The following MYO10 variants were observed in gnomAD, a reference collection of about 807,000 sequenced individuals.
The protein encoded by MYO10 is myosin X, also known as unconventional myosin-X.
MYO10 carries 133 observed loss-of-function variants against 257.3 expected under a neutral mutation model. The ratio of observed to expected loss-of-function variants is 0.52; its 90% CI spans 0.45 to 0.60. The LOEUF is 0.60. Among genes scored for constraint, MYO10 ranks in the 20% least tolerant of loss-of-function variants. MYO10 has a pLI of 0.00. For missense variants in MYO10, 2,399 were observed against 2,635.7 expected, an observed-to-expected ratio of 0.91 and a Z score of 1.97; for synonymous variants, 1,104 against 1,028.6, an observed-to-expected ratio of 1.07 and a Z score of -1.40.
chr5:16,798,053 C>T (rs1013669685), intron 3 of MYO10, among the ~76,000 whole-genome samples: 1 of 152,178 alleles, frequency 6.6e-6, no homozygotes, highest in Admixed American at 6.5e-5. Context: ...GTAAGTTCGA[C>T]ATGCATTCTC....
chr5:16,924,243 C>G (rs1392494127), intron 1 of MYO10, among the ~76,000 whole-genome samples: 1 of 152,158 alleles, frequency 6.6e-6, no homozygotes, highest in Non-Finnish European at 1.5e-5. Context: ...GCATGTGAAT[C>G]AAGAGCCTTG....
Position 16,681,462 on chromosome 5 carries a change from A to C in MYO10, c.4231T>G (p.Ser1411Ala), listed in dbSNP as rs771357956. ...KEVKNSPKMS[S>A]LKLKKRWFVL... is the part of the protein sequence containing the mutation. ...AACCACCGTTTCTTCAGTTTCAGTGAAGACATCTTTGGACTGTTCTTCACC... is the reference window on the plus strand; with the variant it reads ...AACCACCGTTTCTTCAGTTTCAGTGCAGACATCTTTGGACTGTTCTTCACC... Residue 1411 changes from serine to alanine, a missense_variant, in exon 32 of 41, where the codon TCA becomes GCA. Ser to Ala is a moderately conservative substitution (Grantham distance 99). Around this residue, in one of 3 missense-constraint regions of MYO10, gnomAD observed 1,820 missense variants for 1,939.4 expected, o/e 0.94. Coordinates refer to ENST00000513610, the MANE Select transcript of MYO10 (RefSeq NM_012334.3). The C allele has an allele frequency of 1.2e-6, 2 of 1,613,736 alleles. No individual in the cohort carries two copies. The highest frequency in any genetic ancestry group is 2.7e-5 in the African/African-American group (2 of 74,914).
chr5:16,896,909 TCTTGCATTAG>T (rs1300637465), intron 1 of MYO10, among the ~76,000 whole-genome samples: 1 of 150,856 alleles, frequency 6.6e-6, no homozygotes, highest in Non-Finnish European at 1.5e-5. Context: ...TCCAAAACAA[TCTTGCATTAG>T]CTCCGAACAA....
At chr5:16,907,864 G>C (rs1745557475) in intron 1 of MYO10, among the ~76,000 whole-genome samples, 1 of 152,130 alleles carries the variant, frequency 6.6e-6, no homozygotes, top group South Asian at 2.1e-4. Context: ...CAACTTTACT[G>C]GAAAATGTAA....
intron 1 of MYO10, 57 bp downstream of exon 1, chr5:16,935,731 G>A: frequency 6.2e-7 from 1 of 1,606,586 alleles, no homozygotes; most frequent in Non-Finnish European, 8.5e-7. Flanking sequence ...CGGCGTGGTG[G>A]GCAGACGCCT....
At chr5:16,923,991 G>C (rs1746063100) in intron 1 of MYO10, among the ~76,000 whole-genome samples, 1 of 152,160 alleles carries the variant, frequency 6.6e-6, no homozygotes, top group South Asian at 2.1e-4. Context: ...TCAGGAGGCT[G>C]AGGTGGGAGG....
intron 2 of MYO10, among the ~76,000 whole-genome samples, chr5:16,843,335 TATACATACACAC>T (rs1440100595): frequency 1.3e-5 from 2 of 152,242 alleles, no homozygotes; most frequent in Non-Finnish European, 2.9e-5. Flanking sequence ...TGCATTCATA[TATACATACACAC>T]ATACATACAT....
chr5:16,762,710 T>C (rs767465470), intron 14 of MYO10, 73 bp from the exon 15 acceptor site: 3 of 1,163,434 alleles, frequency 2.6e-6, no homozygotes, highest in Non-Finnish European at 3.7e-6. Context: ...ATGCCTGTAA[T>C]TCCAGCACTT....
chr5:16,839,030 T>C (rs897464069), intron 2 of MYO10, among the ~76,000 whole-genome samples: 1 of 152,194 alleles, frequency 6.6e-6, no homozygotes. Flanking sequence ...GATAAAGATG[T>C]ACAAGGAGAT....
At position 16,681,934 on chromosome 5, in the gene MYO10, T is replaced by G. The variant is rs769661289; in HGVS notation, c.4126A>C (p.Ile1376Leu). The change falls in exon 31 of 41, where the codon ATA becomes CTA. Residue 1376 changes from isoleucine (I) to leucine (L), a missense_variant. By Grantham distance (5) the Ile-to-Leu change is conservative (BLOSUM62 2). This residue lies in a region of MYO10 where 1,820 missense variants were observed against 1,939.4 expected (regional missense o/e 0.94). Coordinates refer to ENST00000513610, the MANE Select transcript of MYO10 (RefSeq NM_012334.3). ...CCTTTGGACCTCTGCAGCAGGGTTA[T>G]CCAGTGGTGCATCTCCTCCGGCGTG... ...ADTPEEMHHWITLLQRSKGDT... is the reference protein window; with the variant it reads ...ADTPEEMHHWLTLLQRSKGDT... 6.2e-7 allele frequency: 1 copy of G among 1,613,970 alleles called. No individual in the cohort carries two copies. Among genetic ancestry groups the G allele is most frequent in the South Asian group, 1.1e-5 (1 of 91,082 alleles).
At chr5:16,724,289 A>T (rs1739268939) in intron 19 of MYO10, among the ~76,000 whole-genome samples, 2 of 152,196 alleles carry the variant, frequency 1.3e-5, no homozygotes, top group South Asian at 4.1e-4. Flanking sequence ...ACAACTCTGG[A>T]TACTACTGTA....
At chr5:16,719,176 C>T (rs190826805) in intron 19 of MYO10, among the ~76,000 whole-genome samples, 2 of 152,234 alleles carry the variant, frequency 1.3e-5, no homozygotes, top group Non-Finnish European at 2.9e-5. Context: ...AGCGAGACCA[C>T]GAGCCCACCA....
chr5:16,714,011 A>G (rs1211401944), intron 19 of MYO10, among the ~76,000 whole-genome samples: 1 of 152,168 alleles, frequency 6.6e-6, no homozygotes, highest in Non-Finnish European at 1.5e-5. Context: ...CATTTACTGA[A>G]TATTTACTGA....
At chr5:16,913,414 C>G (rs531785630) in intron 1 of MYO10, among the ~76,000 whole-genome samples, 11 of 152,212 alleles carry the variant, frequency 7.2e-5, no homozygotes, top group Non-Finnish European at 1.6e-4. Context: ...TTCTGCTTCT[C>G]CTTGTATATA....
chr5:16,912,199 C>T (rs1745677695), intron 1 of MYO10, among the ~76,000 whole-genome samples: 1 of 152,132 alleles, frequency 6.6e-6, no homozygotes, highest in Non-Finnish European at 1.5e-5. Context: ...GACTTTAAGC[C>T]ACAGCCAAGT....
intron 33 of MYO10, among the ~76,000 whole-genome samples, chr5:16,677,438 C>A (rs1251560312): frequency 1.7e-5 from 1 of 60,062 alleles, no homozygotes; most frequent in South Asian, 6.5e-4. Context: ...TTTTTTGAGA[C>A]GGAGTCTTGC....
chr5:16,928,863 C>T (rs888888516), intron 1 of MYO10, among the ~76,000 whole-genome samples: 1 of 132,306 alleles, frequency 7.6e-6, no homozygotes. Flanking sequence ...ACAACAACAA[C>T]AAAAACACAC....
intron 2 of MYO10, among the ~76,000 whole-genome samples, chr5:16,818,373 T>C (rs946981186): frequency 7.0e-5 from 5 of 71,662 alleles, no homozygotes; most frequent in African/African-American, 2.5e-4. Context: ...TGTGTGTGTG[T>C]GTGTGTGCGT....
At chr5:16,931,201 G>A (rs755223303) in intron 1 of MYO10, among the ~76,000 whole-genome samples, 8 of 152,056 alleles carry the variant, frequency 5.3e-5, no homozygotes, top group Non-Finnish European at 8.8e-5. Context: ...AACCCGGGAG[G>A]CGGAGGTTGT....
Sources: allele counts gnomAD v4.1 joint callset (sites outside exome capture counted in the v4.1 genomes callset), GRCh38; gene constraint gnomAD v4.1.1; regional missense constraint gnomAD v4.1.1; transcripts MANE v1.5; gene names NCBI Gene and HGNC (gene_info 2026-07-23, HGNC 2026-07-21).